SELENOO: variants seen among roughly 807,000 people sequenced by gnomAD.
The protein encoded by SELENOO is selenoprotein O.
Under a neutral mutation model 58.7 loss-of-function variants are expected in SELENOO, and 74 were observed. That is an observed-to-expected ratio of 1.26 (90% confidence interval 1.04 to 1.53). The LOEUF (loss-of-function observed/expected upper bound fraction) is 1.53, where lower values mean the gene tolerates loss of function less well. SELENOO is among the 40% of genes most tolerant of loss of function. The pLI is 0.00. For synonymous variants in SELENOO, 543 were observed against 453.2 expected, an observed-to-expected ratio of 1.20 and a Z score of -2.52; for missense variants, 1,149 against 970.0, an observed-to-expected ratio of 1.18 and a Z score of -2.45.
rs769886214 is a variant in SELENOO, at chr22:50,215,796, G to A, written c.1431G>A (p.Leu477=). Residue 477 remains leucine, a synonymous_variant, in exon 6 of 9, where the codon CTG becomes CTA. Transcript: ENST00000380903. Reference sequence around the variant, plus strand: ...AGTCGCCAGGCCTGGCGGAATTCCTGGCCAGGCTGATGGAGCAGTGTGCCT... The same window carrying A: ...AGTCGCCAGGCCTGGCGGAATTCCTAGCCAGGCTGATGGAGCAGTGTGCCT... ...ELESPGLAEF[L]ARLMEQCASL... is the part of the protein sequence containing the mutation. 6.2e-7 allele frequency: 1 copy of A among 1,612,722 alleles called. No homozygotes were observed. Among genetic ancestry groups the A allele is most frequent in the South Asian group, 1.1e-5 (1 of 91,048 alleles).
In SELENOO at chr22:50,216,969, C is replaced by T. The variant is rs1245180978; in HGVS notation, c.1689-3C>T. 6.2e-7 allele frequency: 1 copy of T among 1,607,500 alleles called. No homozygotes were observed. The highest frequency in any genetic ancestry group is 8.5e-7 in the Non-Finnish European group (1 of 1,177,624). Reference sequence around the variant, plus strand: ...TGACTCCAGAGCCCGGATGTCATTCCAGAGCCCGGCTGGACAAGGACCTGG... The same window carrying T: ...TGACTCCAGAGCCCGGATGTCATTCTAGAGCCCGGCTGGACAAGGACCTGG... On this transcript the variant is annotated splice_polypyrimidine_tract_variant and splice_region_variant and intron_variant, in intron 7 of 8. Coordinates refer to ENST00000380903, the MANE Select transcript of SELENOO (RefSeq NM_031454.2).
At chr22:50,215,637 G>T (rs796161392) in intron 5 of SELENOO, 80 bp from the exon 6 acceptor site, 29 of 154,056 alleles carry the variant, frequency 1.9e-4, no homozygotes, top group East Asian at 7.8e-4. Context: ...CAGGGGGGTG[G>T]GGGGGGGGGG....
chr22:50,217,592 C>T lies in SELENOO; in HGVS notation c.*223C>T. On this transcript the variant is annotated 3_prime_UTR_variant, in exon 9 of 9. Coordinates refer to ENST00000380903, the MANE Select transcript of SELENOO (RefSeq NM_031454.2). ...GTCCCTGGGGGCTGGACCCAGGCTC[C>T]TAAATAAACCAGCAACTCCCTCGAG... is the stretch of plus-strand genomic sequence containing the variant. 1.0e-6 allele frequency: 1 copy of T among 998,942 alleles called. No homozygotes were observed. The highest frequency in any genetic ancestry group is 1.4e-6 in the Non-Finnish European group (1 of 689,912). The allele number at this position is 998,942 out of a possible 1,614,324, so 61.9% of individuals were successfully genotyped here.
chr22:50,208,280 A>G (rs1304287678), intron 2 of SELENOO, among the ~76,000 whole-genome samples: 1 of 152,106 alleles, frequency 6.6e-6, no homozygotes, highest in East Asian at 1.9e-4. Flanking sequence ...AAATACAAAA[A>G]TTAGCTGGGC....
intron 1 of SELENOO, among the ~76,000 whole-genome samples, chr22:50,205,061 A>T (rs1399466105): frequency 8.8e-5 from 7 of 79,528 alleles, no homozygotes; most frequent in East Asian, 3.2e-4. Context: ...ACAAAGTAGA[A>T]TGGTGGGTCC....
At chr22:50,202,396 C>G (rs1025599376) in intron 1 of SELENOO, among the ~76,000 whole-genome samples, 1 of 152,068 alleles carries the variant, frequency 6.6e-6, no homozygotes, top group Admixed American at 6.6e-5. Flanking sequence ...ACTCCCCCGT[C>G]TCCAAATCCG....
rs1011233474 is a variant in SELENOO at position 50,206,160 on chromosome 22, T to C, written c.555-157T>C. 9 of 637,766 alleles carry C rather than the reference T, an allele frequency of 1.4e-5. No homozygotes were observed. The Admixed American group carries it at 1.8e-4, about 13-fold the overall frequency. The allele number at this position is 637,766 out of a possible 1,614,324, so 39.5% of individuals were successfully genotyped here. On this transcript the variant is annotated intron_variant, in intron 1 of 8. Coordinates refer to ENST00000380903, the MANE Select transcript of SELENOO (RefSeq NM_031454.2). ...GCTGGAACTGGGCGGTGTTGGAGGCTCACAAGGCACCTGATGTCACCTGGG... is the reference window on the plus strand; with the variant it reads ...GCTGGAACTGGGCGGTGTTGGAGGCCCACAAGGCACCTGATGTCACCTGGG...
In SELENOO at chr22:50,201,141, C is replaced by G. The variant is rs528120489; in HGVS notation, c.105C>G (p.Gly35=). The change falls in exon 1 of 9, where the codon GGC becomes GGG. Residue 35 remains glycine (G), a synonymous_variant. Coordinates refer to ENST00000380903, the MANE Select transcript of SELENOO (RefSeq NM_031454.2). ...PSPAPRSTLS[G]AAMEPAPRWL... is the part of the protein sequence containing the mutation. ...CGGCGCCCCGCTCTACGTTGTCGGGCGCCGCCATGGAGCCCGCGCCTCGCT... is the reference window on the plus strand; with the variant it reads ...CGGCGCCCCGCTCTACGTTGTCGGGGGCCGCCATGGAGCCCGCGCCTCGCT... 7.0e-3 allele frequency: 9,157 copies of G among 1,301,496 alleles called. 32 individuals are homozygous for G. Among genetic ancestry groups the G allele is most frequent in the Middle Eastern group, 0.022 (79 of 3,552 alleles). The allele number at this position is 1,301,496 out of a possible 1,614,324, so 80.6% of individuals were successfully genotyped here.
At position 50,217,193 on chromosome 22, in the gene SELENOO, C is replaced by T. The variant is rs760137194; in HGVS notation, c.1846-12C>T. ...TCGGCCCCAGACCCCTCTCACCCTC[C>T]TGATCCTCCAGGTGCGGCGGGTGCT... is the stretch of plus-strand genomic sequence containing the variant. On this transcript the variant is annotated splice_polypyrimidine_tract_variant and intron_variant, in intron 8 of 8. Coordinates refer to ENST00000380903, the MANE Select transcript of SELENOO (RefSeq NM_031454.2). The T allele has an allele frequency of 6.2e-7, 1 of 1,612,070 alleles. No homozygotes were observed. Among genetic ancestry groups the T allele is most frequent in the Non-Finnish European group, 8.5e-7 (1 of 1,179,226 alleles).
chr22:50,212,602 A>G (rs1482002772), intron 5 of SELENOO, among the ~76,000 whole-genome samples: 1 of 152,122 alleles, frequency 6.6e-6, no homozygotes, highest in Non-Finnish European at 1.5e-5. Flanking sequence ...GCCGGTTACC[A>G]GCTCCCCATT....
chr22:50,210,634 C>A lies in SELENOO; in HGVS notation c.1074C>A (p.Tyr358Ter). ...GCTCTCTTGCCCCGTGTGGCAGGTA[C>A]GACCCCGACCACGTGTGCAATGCCT... ...DYGPFGFLDR[Y>*]DPDHVCNASD... The change falls in exon 5 of 9, where the codon TAC becomes TAA. Residue 358 changes from tyrosine to a stop codon, truncating the protein, a stop_gained. Coordinates refer to ENST00000380903, the MANE Select transcript of SELENOO (RefSeq NM_031454.2). LOFTEE classifies it high-confidence loss of function. The A allele has an allele frequency of 1.2e-6, 2 of 1,612,812 alleles. No homozygotes were observed. Among genetic ancestry groups the A allele is most frequent in the Non-Finnish European group, 1.7e-6 (2 of 1,179,826 alleles).
At chr22:50,202,781 C>T (rs1211505732) in intron 1 of SELENOO, among the ~76,000 whole-genome samples, 2 of 152,274 alleles carry the variant, frequency 1.3e-5, no homozygotes, top group Non-Finnish European at 2.9e-5. Context: ...TTAAGGAGTC[C>T]TTTGACCTTT....
intron 1 of SELENOO, chr22:50,205,590 A>G (rs1569100555): frequency 6.6e-6 from 1 of 152,270 alleles, no homozygotes; most frequent in African/African-American, 2.4e-5. Flanking sequence ...GTGGCTTAAG[A>G]TGGTAAATTT....
At chr22:50,204,986 C>T (rs1010891580) in intron 1 of SELENOO, among the ~76,000 whole-genome samples, 3 of 152,200 alleles carry the variant, frequency 2.0e-5, no homozygotes, top group African/African-American at 7.2e-5. Context: ...ATAAGCTGGT[C>T]ACAGAGAGAC....
At position 50,210,858 on chromosome 22, in the gene SELENOO, T is replaced by C. The variant is rs763515680; in HGVS notation, c.1298T>C (p.Leu433Pro). Residue 433 changes from leucine (L) to proline (P), a missense_variant, in exon 5 of 9, where the codon CTG (leucine) becomes CCG (proline). By Grantham distance (98) the Leu-to-Pro change is moderately conservative. Transcript: ENST00000380903. ...RRKLGLVQVE[L>P]EEDGALVSKL... ...AAGCTGGGCCTCGTGCAGGTGGAGC[T>C]GGAGGAAGACGGGGCGCTGGTGTCC... The C allele has an allele frequency of 6.2e-7, 1 of 1,614,136 alleles. No individual in the cohort carries two copies. The highest frequency in any genetic ancestry group is 1.7e-5 in the Admixed American group (1 of 60,026).
intron 2 of SELENOO, 40 bp downstream of exon 2, chr22:50,206,560 C>A: frequency 6.5e-7 from 1 of 1,543,760 alleles, no homozygotes. Flanking sequence ...CACGCACTTG[C>A]TTAGAGTCCT....
Position 50,217,532 on chromosome 22 carries a change from G to T in SELENOO, c.*163G>T. 1 of 1,054,764 alleles carries T rather than the reference G, an allele frequency of 9.5e-7. No individual in the cohort carries two copies. 65.3% of individuals were successfully genotyped at this position (1,054,764 alleles called of 1,614,324 possible). A position where few individuals can be genotyped will look rare whatever the true frequency, so the allele number is the denominator to read the frequency against. Reference sequence around the variant, plus strand: ...GAGACATCCAGTCAGGACCTGACCCGTCTCTGTCTGAGGCCGGCTCAGCAG... The same window carrying T: ...GAGACATCCAGTCAGGACCTGACCCTTCTCTGTCTGAGGCCGGCTCAGCAG... On this transcript the variant is annotated 3_prime_UTR_variant, in exon 9 of 9. Coordinates refer to ENST00000380903, the MANE Select transcript of SELENOO (RefSeq NM_031454.2).
Position 50,210,719 on chromosome 22 carries a change from C to G in SELENOO, c.1159C>G (p.Arg387Gly). ...GCCCGAGGTGTGCAGGTGGAACCTG[C>G]GGAAGCTGGCCGAGGCCCTGCAGCC... ...KQPEVCRWNL[R>G]KLAEALQPEL... Residue 387 changes from arginine to glycine, a missense_variant, in exon 5 of 9, where the codon CGG (arginine) becomes GGG (glycine). Arg to Gly is a moderately radical substitution (Grantham distance 125). Transcript: ENST00000380903. 2 of 1,613,416 alleles carry G rather than the reference C, an allele frequency of 1.2e-6. No homozygotes were observed. Among genetic ancestry groups the G allele is most frequent in the Non-Finnish European group, 1.7e-6 (2 of 1,180,000 alleles).
At chr22:50,207,195 T>A (rs1159908457) in intron 2 of SELENOO, among the ~76,000 whole-genome samples, 1 of 152,016 alleles carries the variant, frequency 6.6e-6, no homozygotes, top group Non-Finnish European at 1.5e-5. Context: ...TGATCTTGGC[T>A]CAGTGCAACC....
Sources: gnomAD v4.1 joint callset for allele counts (sites outside exome capture counted in the v4.1 genomes callset) on GRCh38, gnomAD v4.1.1 for gene constraint, MANE v1.5 for transcripts, NCBI Gene and HGNC (gene_info 2026-07-23, HGNC 2026-07-21) for gene names.